PRRX1: variants seen among roughly 807,000 people sequenced by gnomAD.
The protein encoded by PRRX1 is paired related homeobox 1, also known as paired mesoderm homeobox protein 1.
Under a neutral mutation model 24.0 loss-of-function variants are expected in PRRX1, and 8 were observed. The ratio of observed to expected loss-of-function variants is 0.33; its 90% CI spans 0.20 to 0.60. The LOEUF is 0.60. Among genes scored for constraint, PRRX1 ranks in the 20% least tolerant of loss-of-function variants. The pLI is 0.82. For missense variants in PRRX1, 281 were observed against 322.4 expected (o/e 0.87, Z 0.98); for synonymous variants, 160 against 131.7 (o/e 1.22, Z -1.47).
rs77911930 is a variant in PRRX1 at position 170,664,181 on chromosome 1, C to T, written c.-38C>T. 4.1e-3 allele frequency: 6,515 copies of T among 1,579,128 alleles called. 192 individuals are homozygous for T. The African/African-American group carries it at 0.073, about 18-fold the overall frequency. ...CCACAGCGTTTGGTGTTGATTCGAG[C>T]GGGAAGAGGGGGGTGGGTGGGATCG... On this transcript the variant is annotated 5_prime_UTR_variant, in exon 1 of 4. Coordinates refer to ENST00000239461, the MANE Select transcript of PRRX1 (RefSeq NM_022716.4).
rs944046701 is a variant in PRRX1, at chr1:170,719,747, A to G, written c.263A>G (p.Glu88Gly). The G allele has an allele frequency of 1.9e-6, 3 of 1,614,026 alleles. No individual in the cohort carries two copies. In the African/African-American group the frequency reaches 4.0e-5, roughly 22 times the overall value. Residue 88 changes from glutamate to glycine, a missense_variant, in exon 2 of 4, where the codon GAA (glutamate) becomes GGA (glycine). Transcript: ENST00000239461. ...CCAGATGACCAGCTGAACTCAGAAG[A>G]AAAAAAGAAGAGAAAGCAGCGAAGG... ...QQDNDQLNSE[E>G]KKKRKQRRNR...
intron 1 of PRRX1, among the ~76,000 whole-genome samples, chr1:170,716,433 A>T (rs1231130664): frequency 6.6e-6 from 1 of 152,040 alleles, no homozygotes; most frequent in Non-Finnish European, 1.5e-5. Flanking sequence ...AAATACAAAA[A>T]ATTAGCTGGG....
intron 1 of PRRX1, among the ~76,000 whole-genome samples, chr1:170,717,211 C>T (rs1464416937): frequency 2.6e-5 from 4 of 152,230 alleles, no homozygotes; most frequent in Admixed American, 2.0e-4. Context: ...TTCAGGTCAT[C>T]ATAGCTATTT....
rs376655741 is a variant in PRRX1 at position 170,692,990 on chromosome 1, A to G, written c.242-26736A>G. 2.6e-5 allele frequency among the ~76,000 whole-genome samples: 4 copies of G among 152,078 alleles called. No homozygotes were observed. In the East Asian group the frequency reaches 7.7e-4, roughly 29 times the overall value. On this transcript the variant is annotated intron_variant, in intron 1 of 3. Transcript: ENST00000239461. ...TGGAACTTTTCCTAAATATTCAGGC[A>G]TGTTAACACCAGCATCTTGATTCAC...
At chr1:170,734,345 T>C (rs191789528) in intron 3 of PRRX1, among the ~76,000 whole-genome samples, 41 of 152,176 alleles carry the variant, frequency 2.7e-4, no homozygotes, top group African/African-American at 9.9e-4. Context: ...TGTCTATTCA[T>C]TGAACACATG....
intron 1 of PRRX1, among the ~76,000 whole-genome samples, chr1:170,709,848 T>A (rs1453435754): frequency 6.6e-6 from 1 of 152,190 alleles, no homozygotes; most frequent in Non-Finnish European, 1.5e-5. Flanking sequence ...ATAGGCAGTG[T>A]TTGCAGCAAG....
At chr1:170,729,304 T>G (rs1393913072) in intron 3 of PRRX1, among the ~76,000 whole-genome samples, 6 of 152,176 alleles carry the variant, frequency 3.9e-5, no homozygotes, top group Non-Finnish European at 8.8e-5. Context: ...CCACACTCTG[T>G]GGGGACCTCA....
In PRRX1 at chr1:170,714,464, A is replaced by G. The variant is rs538015383; in HGVS notation, c.242-5262A>G. Among the ~76,000 whole-genome samples the G allele has an allele frequency of 7.2e-5, 11 of 152,306 alleles. 1 individual carries two copies. In the South Asian group the frequency reaches 2.3e-3, roughly 32 times the overall value. ...TGTGGTAGTTGGTTTCTGCTACTGG[A>G]GCTGGCATTTTATCTTCTTGCATCA... On this transcript the variant is annotated intron_variant, in intron 1 of 3. Transcript: ENST00000239461.
chr1:170,722,351 C>A (rs59889473), intron 2 of PRRX1, among the ~76,000 whole-genome samples: 1 of 152,196 alleles, frequency 6.6e-6, no homozygotes, highest in Admixed American at 6.5e-5. Flanking sequence ...TTCATCTTTG[C>A]AACATTTATT....
chr1:170,723,271 C>T (rs77520054), intron 2 of PRRX1, among the ~76,000 whole-genome samples: 10 of 152,312 alleles, frequency 6.6e-5, no homozygotes, highest in East Asian at 1.9e-4. Context: ...GCACTGATCA[C>T]GTGGTAATTT....
chr1:170,670,587 G>A lies in PRRX1; in HGVS notation c.241+6128G>A, dbSNP rs909851011. 2.6e-5 allele frequency among the ~76,000 whole-genome samples: 4 copies of A among 152,114 alleles called. 1 individual carries two copies. Among genetic ancestry groups the A allele is most frequent in the Admixed American group, 6.5e-5 (1 of 15,284 alleles). ...GTTGTCATTTTTCTAATTTAATGCGGCAGCCTCAGGGAAGTACTCATCCAG... is the reference window on the plus strand; with the variant it reads ...GTTGTCATTTTTCTAATTTAATGCGACAGCCTCAGGGAAGTACTCATCCAG... On this transcript the variant is annotated intron_variant, in intron 1 of 3. Transcript: ENST00000239461.
chr1:170,725,717 C>T (rs940188843), intron 2 of PRRX1, among the ~76,000 whole-genome samples: 2 of 152,154 alleles, frequency 1.3e-5, no homozygotes, highest in African/African-American at 4.8e-5. Flanking sequence ...TTTGCACCTC[C>T]CAAATAAAAC....
At position 170,726,286 on chromosome 1, in the gene PRRX1, G is replaced by C. The variant is rs761253714; in HGVS notation, c.484G>C (p.Ala162Pro). 1 of 1,613,956 alleles carries C rather than the reference G, an allele frequency of 6.2e-7. No homozygotes were observed. The highest frequency in any genetic ancestry group is 8.5e-7 in the Non-Finnish European group (1 of 1,179,944). Residue 162 changes from alanine (A) to proline (P), a missense_variant, in exon 3 of 4, where the codon GCT becomes CCT. Ala to Pro is a conservative substitution (Grantham distance 27). Coordinates refer to ENST00000239461, the MANE Select transcript of PRRX1 (RefSeq NM_022716.4). ...GAGAGCCATGCTAGCCAATAAAAACGCTTCCCTCCTCAAATCCTACTCAGG... is the reference window on the plus strand; with the variant it reads ...GAGAGCCATGCTAGCCAATAAAAACCCTTCCCTCCTCAAATCCTACTCAGG... ...NERAMLANKN[A>P]SLLKSYSGDV...
At chr1:170,724,483 G>A (rs1278932391) in intron 2 of PRRX1, among the ~76,000 whole-genome samples, 1 of 152,274 alleles carries the variant, frequency 6.6e-6, no homozygotes, top group South Asian at 2.1e-4. Flanking sequence ...AAGAGGTCCA[G>A]TTTCAGTTTT....
chr1:170,667,475 G>C lies in PRRX1; in HGVS notation c.241+3016G>C, dbSNP rs1338403793. The C allele has an allele frequency of 3.3e-5, 5 of 152,326 alleles. No homozygotes were observed. In the East Asian group the frequency reaches 7.7e-4, roughly 24 times the overall value. The allele number at this position is 152,326 out of a possible 1,614,324, so 9.4% of individuals were successfully genotyped here. On this transcript the variant is annotated intron_variant, in intron 1 of 3. Coordinates refer to ENST00000239461, the MANE Select transcript of PRRX1 (RefSeq NM_022716.4). ...CCTGACGAGTCTTATGGTAGCAAGC[G>C]TCCAGGGGAACCCGCAATCCTAGTT... is the stretch of plus-strand genomic sequence containing the variant.
At chr1:170,699,452 G>T (rs555048302) in intron 1 of PRRX1, among the ~76,000 whole-genome samples, 2 of 152,016 alleles carry the variant, frequency 1.3e-5, no homozygotes, top group Non-Finnish European at 2.9e-5. Flanking sequence ...TTTGCACACA[G>T]CTCCTCTAGA....
intron 1 of PRRX1, among the ~76,000 whole-genome samples, chr1:170,697,634 AAG>A (rs917977568): frequency 1.3e-4 from 19 of 149,606 alleles, no homozygotes; most frequent in African/African-American, 4.6e-4. Context: ...TCCTTAAAAA[AAG>A]ATATATTTTA....
intron 1 of PRRX1, among the ~76,000 whole-genome samples, chr1:170,710,703 T>G (rs1414031469): frequency 2.6e-5 from 4 of 152,104 alleles, no homozygotes; most frequent in Non-Finnish European, 5.9e-5. Context: ...GTCACATGAG[T>G]GAGTCCTCAT....
At chr1:170,672,427 C>G (rs1299477645) in intron 1 of PRRX1, among the ~76,000 whole-genome samples, 9 of 152,184 alleles carry the variant, frequency 5.9e-5, no homozygotes, top group Non-Finnish European at 1.5e-5. Context: ...AACTGTAAGG[C>G]AAATTGCTTT....
Sources: allele counts gnomAD v4.1 joint callset (sites outside exome capture counted in the v4.1 genomes callset), GRCh38; gene constraint gnomAD v4.1.1; transcripts MANE v1.5; gene names NCBI Gene and HGNC (gene_info 2026-07-23, HGNC 2026-07-21).